Variants in IFT56 observed in about 807,000 individuals in gnomAD.
IFT56 encodes the protein intraflagellar transport 56, also known as intraflagellar transport protein 56.
chr7:139,178,693 A>G, the IFT56 span: 97 of 1,131,660 alleles, frequency 8.6e-5, no homozygotes, highest in Non-Finnish European at 1.2e-4. Context: ...GTTAAGGATT[A>G]TTAAAGATTC....
At chr7:139,176,109 G>A in the IFT56 span, among the ~76,000 whole-genome samples, 752 of 152,030 alleles carry the variant, frequency 4.9e-3, 7 homozygotes, top group African/African-American at 0.018. Context: ...ATGAGCCACC[G>A]CACCCGGCTT....
At chr7:139,169,944 G>A in the IFT56 span, among the ~76,000 whole-genome samples, 9 of 152,134 alleles carry the variant, frequency 5.9e-5, no homozygotes, top group Non-Finnish European at 1.3e-4. Flanking sequence ...AGCCCAGGAA[G>A]TTGAGGCTGC....
chr7:139,185,783 T>C, the IFT56 span, among the ~76,000 whole-genome samples: 140 of 152,124 alleles, frequency 9.2e-4, 2 homozygotes, highest in African/African-American at 3.3e-3. Flanking sequence ...ATGTTTCATT[T>C]ACCATCCTGT....
chr7:139,155,637 G>A, the IFT56 span, among the ~76,000 whole-genome samples: 3 of 152,024 alleles, frequency 2.0e-5, no homozygotes, highest in Non-Finnish European at 4.4e-5. Flanking sequence ...ATCTCACTTG[G>A]TCATCGTGAA....
At chr7:139,142,395 A>G in the IFT56 span, 1 of 1,148,644 alleles carries the variant, frequency 8.7e-7, no homozygotes, top group African/African-American at 1.6e-5. Flanking sequence ...GAGATATTTA[A>G]TTAGAAATTC....
At chr7:139,134,096 G>A in the IFT56 span, among the ~76,000 whole-genome samples, 1 of 152,166 alleles carries the variant, frequency 6.6e-6, no homozygotes, top group African/African-American at 2.4e-5. Context: ...GCAGAGGAAG[G>A]GAAAGCTGAG....
the IFT56 span, chr7:139,190,889 T>A: frequency 1.3e-5 from 2 of 152,232 alleles, no homozygotes; most frequent in Non-Finnish European, 2.9e-5. Context: ...AGAGAATAGA[T>A]GGGAAGAGAA....
At chr7:139,172,834 G>A in the IFT56 span, 1 of 667,894 alleles carries the variant, frequency 1.5e-6, no homozygotes, top group Non-Finnish European at 2.9e-6. Context: ...TTCAAAGCCA[G>A]CGAACACTGT....
chr7:139,138,970 C>T, the IFT56 span, among the ~76,000 whole-genome samples: 1 of 151,998 alleles, frequency 6.6e-6, no homozygotes, highest in East Asian at 1.9e-4. Context: ...GCCACCATGC[C>T]CGGCTAATTT....
At chr7:139,161,903 C>A in the IFT56 span, among the ~76,000 whole-genome samples, 1 of 152,048 alleles carries the variant, frequency 6.6e-6, no homozygotes, top group Non-Finnish European at 1.5e-5. Context: ...AAATTGAAAC[C>A]CGATTAATTT....
chr7:139,187,100 C>CAA, the IFT56 span, among the ~76,000 whole-genome samples: 1,304 of 48,140 alleles, frequency 0.027, 103 homozygotes, highest in African/African-American at 0.057. Flanking sequence ...GACTCCGTCT[C>CAA]AAAAAAAAAA....
the IFT56 span, chr7:139,160,876 C>A: frequency 9.1e-7 from 1 of 1,103,562 alleles, no homozygotes. Context: ...AAATTATAAA[C>A]CATTGTGTCA....
At chr7:139,134,656 T>A in the IFT56 span, 3 of 1,604,642 alleles carry the variant, frequency 1.9e-6, no homozygotes, top group South Asian at 3.4e-5. Flanking sequence ...CTTTTACAGA[T>A]GCTTTCAAGG....
chr7:139,134,675 T>C, the IFT56 span: 4 of 1,611,774 alleles, frequency 2.5e-6, no homozygotes, highest in Non-Finnish European at 3.4e-6. Context: ...GGGCCAAACC[T>C]GCTGTAGGCA....
the IFT56 span, among the ~76,000 whole-genome samples, chr7:139,151,897 A>G: frequency 6.6e-6 from 1 of 152,134 alleles, no homozygotes; most frequent in African/African-American, 2.4e-5. Flanking sequence ...CCCCATCTCT[A>G]CTAAAAATAC....
the IFT56 span, chr7:139,140,128 A>C: frequency 1.6e-6 from 1 of 612,180 alleles, no homozygotes; most frequent in Non-Finnish European, 2.7e-6. Context: ...AAGCTAAAAA[A>C]ATAGCTTTAG....
chr7:139,180,975 C>T, the IFT56 span: 3 of 594,532 alleles, frequency 5.0e-6, no homozygotes, highest in South Asian at 4.4e-5. Context: ...TCCATGAAAG[C>T]TTTCCATTAC....
At chr7:139,187,888 C>T in the IFT56 span, among the ~76,000 whole-genome samples, 1 of 150,838 alleles carries the variant, frequency 6.6e-6, no homozygotes, top group African/African-American at 2.4e-5. Context: ...CTCTTCTACT[C>T]TTTTGGGTTT....
At chr7:139,166,815 GT>G in the IFT56 span, 1 of 1,437,208 alleles carries the variant, frequency 7.0e-7, no homozygotes, top group Non-Finnish European at 9.8e-7. Flanking sequence ...ATACAGACTA[GT>G]ATAATTACTT....
Sources: gnomAD v4.1 joint callset for allele counts (sites outside exome capture counted in the v4.1 genomes callset) on GRCh38, gnomAD v4.1.1 for gene constraint, MANE v1.5 for transcripts, NCBI Gene and HGNC (gene_info 2026-07-23, HGNC 2026-07-21) for gene names.